Variants in CCNL2 observed in about 807,000 individuals in gnomAD.
The protein encoded by CCNL2 is cyclin-L2.
A neutral mutation model predicts 59.1 loss-of-function variants in CCNL2; 28 were observed. The ratio of observed to expected loss-of-function variants is 0.47; its 90% CI spans 0.35 to 0.65. The LOEUF is 0.65. CCNL2 is among the 30% of genes least tolerant of loss of function. The probability of loss-of-function intolerance (pLI) is 0.00; values close to 1 mark genes in which losing one functional copy is unlikely to be tolerated. For synonymous variants in CCNL2, 342 were observed against 288.6 expected (o/e 1.19, Z -1.88); for missense variants, 714 against 717.4 (o/e 1.00, Z 0.05).
intron 4 of CCNL2, among the ~76,000 whole-genome samples, chr1:1,394,481 G>A (rs972598343): frequency 6.6e-6 from 1 of 152,106 alleles, no homozygotes; most frequent in Admixed American, 6.5e-5. Context: ...TGGGTGCAGT[G>A]GCTCACACTT....
At chr1:1,390,929 TTATC>T in intron 5 of CCNL2, 64 bp from the exon 6 acceptor site, 1 of 1,343,324 alleles carries the variant, frequency 7.4e-7, no homozygotes, top group Non-Finnish European at 1.1e-6. Context: ...TCCGCCTGCA[TTATC>T]TAGAGAAAAT....
At chr1:1,394,752 GAAAAAAAAAAA>G (rs745453245) in intron 4 of CCNL2, among the ~76,000 whole-genome samples, 4 of 42,796 alleles carry the variant, frequency 9.3e-5, no homozygotes, top group Non-Finnish European at 2.1e-4. Context: ...TCCGTCTCAA[GAAAAAAAAAAA>G]AAAAAAAAAA....
rs936918420 is a variant in CCNL2 at position 1,386,688 on chromosome 1, G to C, written c.*543C>G. 6 of 152,772 alleles carry C rather than the reference G, an allele frequency of 3.9e-5. No homozygotes were observed. Among genetic ancestry groups the C allele is most frequent in the African/African-American group, 1.4e-4 (6 of 41,446 alleles). The allele number at this position is 152,772 out of a possible 1,614,324, so 9.5% of individuals were successfully genotyped here. A position where few individuals can be genotyped will look rare whatever the true frequency, so the allele number is the denominator to read the frequency against. Reference sequence around the variant, plus strand: ...TTTAAGCTGACGGGATTCAAGTTCTGAGTTTTCATACATAGCTTTAACTTG... The same window carrying C: ...TTTAAGCTGACGGGATTCAAGTTCTCAGTTTTCATACATAGCTTTAACTTG... On this transcript the variant is annotated 3_prime_UTR_variant, in exon 11 of 11. Transcript: ENST00000400809.
rs559591338 is a variant in CCNL2 at position 1,398,220 on chromosome 1, C to G, written c.473+13G>C. 1.2e-6 allele frequency: 2 copies of G among 1,613,024 alleles called. No individual in the cohort carries two copies. Among genetic ancestry groups the G allele is most frequent in the South Asian group, 1.1e-5 (1 of 91,056 alleles). The stretch of plus-strand genomic sequence containing the variant: ...GGCATCTATGATAGACTAGACAGCT[C>G]TGACTGACTCACTTTTTGTCTCTCA... On this transcript the variant is annotated intron_variant, in intron 3 of 10. Coordinates refer to ENST00000400809, the MANE Select transcript of CCNL2 (RefSeq NM_030937.6).
intron 8 of CCNL2, among the ~76,000 whole-genome samples, chr1:1,389,735 A>G (rs372624717): frequency 6.6e-6 from 1 of 152,214 alleles, no homozygotes; most frequent in Admixed American, 6.5e-5. Context: ...TGAGGTGGGC[A>G]GATCACGAGG....
At chr1:1,392,860 T>TG in intron 5 of CCNL2, 1 of 1,560,116 alleles carries the variant, frequency 6.4e-7, no homozygotes, top group Non-Finnish European at 8.8e-7. Context: ...ATTAAACATG[T>TG]CATAGCACCA....
chr1:1,387,108 TTCTAGGACCACTTGCGCTGAGAGCACAC>T lies in CCNL2; in HGVS notation c.*95_*122del. 1 of 724,188 alleles carries T rather than the reference TTCTAGGACCACTTGCGCTGAGAGCACAC, an allele frequency of 1.4e-6. No individual in the cohort carries two copies. The highest frequency in any genetic ancestry group is 2.6e-5 in the East Asian group (1 of 39,116). The allele number at this position is 724,188 out of a possible 1,614,324, so 44.9% of individuals were successfully genotyped here. A position where few individuals can be genotyped will look rare whatever the true frequency, so the allele number is the denominator to read the frequency against. On this transcript the variant is annotated 3_prime_UTR_variant, in exon 11 of 11. Coordinates refer to ENST00000400809, the MANE Select transcript of CCNL2 (RefSeq NM_030937.6). ...ACAGACATTTCCAAAAAGAATCCTG[TTCTAGGACCACTTGCGCTGAGAGCACAC>T]CCGGGGGTCAAAGGGCAGCCACCGG...
At chr1:1,393,047 C>T in intron 5 of CCNL2, 1 of 602,370 alleles carries the variant, frequency 1.7e-6, no homozygotes, top group Non-Finnish European at 2.9e-6. Flanking sequence ...GATGCAATGT[C>T]AGTGGAGAAA....
rs14475 is a variant in CCNL2, at chr1:1,386,563, C to G, written c.*668G>C. On this transcript the variant is annotated 3_prime_UTR_variant, in exon 11 of 11. Transcript: ENST00000400809. The stretch of plus-strand genomic sequence containing the variant: ...CATATAGGGAACCTCTATTTAGGAG[C>G]TGGTGGCCTGCACTCAGCACCGCAC... The G allele has an allele frequency of 2.0e-5, 3 of 152,644 alleles. No individual in the cohort carries two copies. The East Asian group carries it at 5.8e-4, about 29-fold the overall frequency. 9.5% of individuals were successfully genotyped at this position (152,644 alleles called of 1,614,324 possible).
intron 5 of CCNL2, chr1:1,392,683 A>T: frequency 1.3e-6 from 2 of 1,553,672 alleles, no homozygotes; most frequent in Non-Finnish European, 8.7e-7. Context: ...GCGTACCACC[A>T]GTCTAGAGCC....
At chr1:1,387,702 CA>C in intron 10 of CCNL2, 74 bp downstream of exon 10, 1 of 1,452,746 alleles carries the variant, frequency 6.9e-7, no homozygotes, top group Non-Finnish European at 9.4e-7. Flanking sequence ...GAAACCACCT[CA>C]GGGTGAGAAT....
intron 8 of CCNL2, chr1:1,389,368 CA>C: frequency 6.6e-6 from 1 of 152,202 alleles, no homozygotes; most frequent in Non-Finnish European, 1.5e-5. Context: ...GACTCCATCT[CA>C]AAAAAAAGAA....
At chr1:1,388,772 G>GA (rs775917140) in intron 8 of CCNL2, 16,731 of 154,958 alleles carry the variant, frequency 0.11, 37 homozygotes, top group South Asian at 0.14. Context: ...CTCCGTCTCA[G>GA]AAAAAAAAAA....
chr1:1,386,916 G>C lies in CCNL2; in HGVS notation c.*315C>G. 3.2e-6 allele frequency: 1 copy of C among 317,446 alleles called. No individual in the cohort carries two copies. The highest frequency in any genetic ancestry group is 5.8e-6 in the Non-Finnish European group (1 of 172,786). 19.7% of individuals were successfully genotyped at this position (317,446 alleles called of 1,614,324 possible). A position where few individuals can be genotyped will look rare whatever the true frequency, so the allele number is the denominator to read the frequency against. Reference sequence around the variant, plus strand: ...TGCCGATAGCACCAGGCCATGCCAGGCCACGCCAACAAGGGCGTGTGCATT... The same window carrying C: ...TGCCGATAGCACCAGGCCATGCCAGCCCACGCCAACAAGGGCGTGTGCATT... On this transcript the variant is annotated 3_prime_UTR_variant, in exon 11 of 11. Transcript: ENST00000400809.
Position 1,398,545 on chromosome 1 carries a change from G to A in CCNL2, c.363+52C>T, listed in dbSNP as rs1645179353. 2.5e-6 allele frequency: 4 copies of A among 1,593,988 alleles called. No homozygotes were observed. The South Asian group carries it at 3.3e-5, about 13-fold the overall frequency. ...TAGTAACCGGGCAAAGTAACAAACC[G>A]TTTTACCCTCAACATACTTCGCTGG... On this transcript the variant is annotated intron_variant, in intron 2 of 10. Coordinates refer to ENST00000400809, the MANE Select transcript of CCNL2 (RefSeq NM_030937.6).
chr1:1,395,333 G>A (rs1211775721), intron 4 of CCNL2, 61 bp downstream of exon 4: 18 of 1,592,166 alleles, frequency 1.1e-5, no homozygotes, highest in Non-Finnish European at 1.5e-5. Flanking sequence ...GAGGTGGAGA[G>A]AGGCGGCCAG....
chr1:1,396,857 T>C (rs1399397394), intron 3 of CCNL2, among the ~76,000 whole-genome samples: 1 of 152,014 alleles, frequency 6.6e-6, no homozygotes, highest in Non-Finnish European at 1.5e-5. Flanking sequence ...CACGCCATTC[T>C]CCTGCCTCAG....
intron 8 of CCNL2, 116 bp from the exon 9 acceptor site, chr1:1,388,181 T>C: frequency 1.3e-6 from 1 of 770,812 alleles, no homozygotes; most frequent in East Asian, 2.5e-5. Context: ...AAGCAGACTG[T>C]AACTTCCGGC....
rs1370893335 is a variant in CCNL2, at chr1:1,387,263, C to T, written c.1531G>A (p.Asp511Asn). 2.5e-6 allele frequency: 4 copies of T among 1,610,138 alleles called. No individual in the cohort carries two copies. Among genetic ancestry groups the T allele is most frequent in the South Asian group, 1.1e-5 (1 of 91,084 alleles). Reference sequence around the variant, plus strand: ...CGATGCCTGCTGTGCCCAGGGTGGTCCCGCTCATAGCGACGGCCTGTGCGT... The same window carrying T: ...CGATGCCTGCTGTGCCCAGGGTGGTTCCGCTCATAGCGACGGCCTGTGCGT... ...YERTGRRYER[D>N]HPGHSRHRR is the part of the protein sequence containing the mutation. Residue 511 changes from aspartate (D) to asparagine (N), a missense_variant, in exon 11 of 11, where the codon GAC becomes AAC. Coordinates refer to ENST00000400809, the MANE Select transcript of CCNL2 (RefSeq NM_030937.6).
Sources: allele counts gnomAD v4.1 joint callset (sites outside exome capture counted in the v4.1 genomes callset), GRCh38; gene constraint gnomAD v4.1.1; transcripts MANE v1.5; gene names NCBI Gene and HGNC (gene_info 2026-07-23, HGNC 2026-07-21).